TLE1: variants seen among roughly 807,000 people sequenced by gnomAD.
TLE1 encodes TLE family member 1, transcriptional corepressor.
Under a neutral mutation model 89.8 loss-of-function variants are expected in TLE1, and 21 were observed. The ratio of observed to expected loss-of-function variants is 0.23; its 90% CI spans 0.17 to 0.34. The LOEUF is 0.34. Ranked by LOEUF, TLE1 falls within the 10% of genes least tolerant of loss-of-function variation. The pLI is 1.00. For missense variants in TLE1, 795 were observed against 1,031.2 expected (o/e 0.77, Z 3.14); for synonymous variants, 447 against 407.6 (o/e 1.10, Z -1.16).
intron 4 of TLE1, among the ~76,000 whole-genome samples, chr9:81,659,198 G>A (rs1433593579): frequency 6.6e-6 from 1 of 152,094 alleles, no homozygotes; most frequent in Non-Finnish European, 1.5e-5. Flanking sequence ...GTGAGCCACC[G>A]CGCCTGGCCT....
chr9:81,666,176 T>A (rs1045051097), intron 4 of TLE1, among the ~76,000 whole-genome samples: 8 of 152,102 alleles, frequency 5.3e-5, no homozygotes, highest in Admixed American at 1.3e-4. Context: ...AAAGGACAGC[T>A]TTTGGTGGGC....
At chr9:81,647,763 G>A (rs1032895794) in intron 6 of TLE1, among the ~76,000 whole-genome samples, 4 of 152,126 alleles carry the variant, frequency 2.6e-5, no homozygotes, top group Admixed American at 1.3e-4. Context: ...CTAATAGATG[G>A]CAGCTAAGTA....
chr9:81,586,212 T>TTTTTGTA (rs1564100878), intron 17 of TLE1, among the ~76,000 whole-genome samples: 3 of 152,002 alleles, frequency 2.0e-5, no homozygotes, highest in Non-Finnish European at 2.9e-5. Context: ...AAAGACGGGG[T>TTTTTGTA]TTCACCGTGC....
At chr9:81,606,575 A>C (rs59999145) in intron 14 of TLE1, among the ~76,000 whole-genome samples, 9,148 of 152,116 alleles carry the variant, frequency 0.06, 881 homozygotes, top group African/African-American at 0.2. Flanking sequence ...GGAGCTGAAC[A>C]ATGAGAACAC....
At chr9:81,615,285 C>T (rs1174405698) in intron 11 of TLE1, among the ~76,000 whole-genome samples, 6 of 148,772 alleles carry the variant, frequency 4.0e-5, no homozygotes, top group Middle Eastern at 3.6e-3. Flanking sequence ...GCCGAGATCA[C>T]GCCACTGCAC....
At chr9:81,685,750 C>T (rs981200105) in intron 3 of TLE1, 30 bp from the exon 4 acceptor site, 1 of 1,612,372 alleles carries the variant, frequency 6.2e-7, no homozygotes, top group Non-Finnish European at 8.5e-7. Flanking sequence ...TCAAGCATTT[C>T]ATTAACTCAT....
chr9:81,670,811 T>C (rs1588201895), intron 4 of TLE1, among the ~76,000 whole-genome samples: 1 of 152,016 alleles, frequency 6.6e-6, no homozygotes, highest in Admixed American at 6.6e-5. Flanking sequence ...AGATCAGTGA[T>C]ACACTGACAT....
Position 81,660,843 on chromosome 9 carries a change from T to A in TLE1, c.235-6807A>T, listed in dbSNP as rs1216968255. ...CGGGCGTGGTGGCTCACGCCTGTAA[T>A]CCCAGCACTTTGGGAGGCCGAGGCG... On this transcript the variant is annotated intron_variant, in intron 4 of 19. Coordinates refer to ENST00000376499, the MANE Select transcript of TLE1 (RefSeq NM_005077.5). Among the ~76,000 whole-genome samples the A allele has an allele frequency of 3.4e-5, 5 of 149,082 alleles. No homozygotes were observed. The East Asian group carries it at 1.0e-3, about 31-fold the overall frequency.
Position 81,620,534 on chromosome 9 carries a change from G to C in TLE1, c.618C>G (p.Asp206Glu), listed in dbSNP as rs746776983. 3.1e-6 allele frequency: 5 copies of C among 1,612,416 alleles called. No individual in the cohort carries two copies. The Admixed American group carries it at 6.7e-5, about 22-fold the overall frequency. Residue 206 changes from aspartate to glutamate, a missense_variant, in exon 9 of 20, where the codon GAC becomes GAG. By Grantham distance (45) the Asp-to-Glu change is conservative (BLOSUM62 2). Coordinates refer to ENST00000376499, the MANE Select transcript of TLE1 (RefSeq NM_005077.5). ...PGTSNSLLVP[D>E]SLRGTDKRRN... ...TGCGTTTATCTGTGCCTCTTAGACT[G>C]TCTGGGACCAGGAGGGAATTACTCT...
rs753283625 is a variant in TLE1 at position 81,585,594 on chromosome 9, T to C, written c.2039A>G (p.Asn680Ser). 22 of 1,614,080 alleles carry C rather than the reference T, an allele frequency of 1.4e-5. No individual in the cohort carries two copies. Among genetic ancestry groups the C allele is most frequent in the Non-Finnish European group, 1.5e-5 (18 of 1,180,008 alleles). Residue 680 changes from asparagine to serine, a missense_variant, in exon 18 of 20, where the codon AAT (asparagine) becomes AGT (serine). Coordinates refer to ENST00000376499, the MANE Select transcript of TLE1 (RefSeq NM_005077.5). ...EWLAVGMESSNVEVLHVNKPD... is the reference protein window; with the variant it reads ...EWLAVGMESSSVEVLHVNKPD... ...CTTGTTCACGTGCAGCACCTCCACA[T>C]TGCTGCTCTCCATGCCCACTGCCAG... is the stretch of plus-strand genomic sequence containing the variant.
At chr9:81,665,796 C>T (rs1366189570) in intron 4 of TLE1, among the ~76,000 whole-genome samples, 2 of 151,774 alleles carry the variant, frequency 1.3e-5, no homozygotes, top group Admixed American at 6.6e-5. Context: ...CTCCTTCCTG[C>T]AATGATGGTC....
At chr9:81,634,443 C>T (rs1827115920) in intron 6 of TLE1, 142 bp from the exon 7 acceptor site, 1 of 621,990 alleles carries the variant, frequency 1.6e-6, no homozygotes. Flanking sequence ...TCAACAAACA[C>T]ACAAAAGGAG....
chr9:81,652,168 A>G (rs1032098485), intron 6 of TLE1, 46 bp downstream of exon 6: 1 of 1,578,036 alleles, frequency 6.3e-7, no homozygotes, highest in Admixed American at 1.7e-5. Flanking sequence ...AAGAAATGAA[A>G]GCTGGTTATA....
At chr9:81,627,171 T>C (rs1167762080) in intron 8 of TLE1, among the ~76,000 whole-genome samples, 1 of 151,996 alleles carries the variant, frequency 6.6e-6, no homozygotes, top group Non-Finnish European at 1.5e-5. Flanking sequence ...GGACACAGAG[T>C]TTGTTGTCCA....
chr9:81,663,622 CTTTT>C (rs35562910), intron 4 of TLE1, among the ~76,000 whole-genome samples: 2 of 134,698 alleles, frequency 1.5e-5, no homozygotes, highest in African/African-American at 5.6e-5. Flanking sequence ...ACAGAATAGA[CTTTT>C]TTTTTTTTTT....
intron 4 of TLE1, among the ~76,000 whole-genome samples, chr9:81,661,257 C>T (rs1319558174): frequency 6.8e-6 from 1 of 147,598 alleles, no homozygotes; most frequent in African/African-American, 2.5e-5. Context: ...AGTAGCTGAA[C>T]TTAAGAGTTT....
In TLE1 at chr9:81,584,524, C is replaced by T. The variant is rs1828054292; in HGVS notation, c.2129G>A (p.Gly710Asp). 1 of 1,613,852 alleles carries T rather than the reference C, an allele frequency of 6.2e-7. No homozygotes were observed. Among genetic ancestry groups the T allele is most frequent in the Non-Finnish European group, 8.5e-7 (1 of 1,179,962 alleles). The change falls in exon 19 of 20, where the codon GGT (glycine) becomes GAT (aspartate). Residue 710 changes from glycine to aspartate, a missense_variant and splice_region_variant. This residue lies in a region of TLE1 where 214 missense variants were observed against 354.9 expected (regional missense o/e 0.60). Transcript: ENST00000376499. ...TTTTCCAGTACTCACAAACCATTTA[C>T]CTAGAATTAGCAAAGGAATATCTAG... ...CVLSLKFAYC[G>D]KWFVSTGKDN...
At chr9:81,683,342 A>G (rs1053312725) in intron 4 of TLE1, among the ~76,000 whole-genome samples, 1 of 151,940 alleles carries the variant, frequency 6.6e-6, no homozygotes, top group Admixed American at 6.6e-5. Flanking sequence ...TCAGCCTGTC[A>G]GGAGTCTCGC....
chr9:81,620,406 A>T, intron 9 of TLE1, 35 bp downstream of exon 9: 1 of 1,532,098 alleles, frequency 6.5e-7, no homozygotes, highest in Non-Finnish European at 9.0e-7. Flanking sequence ...AGCAGTAAGC[A>T]AACAAATATT....
Sources: allele counts gnomAD v4.1 joint callset (sites outside exome capture counted in the v4.1 genomes callset), GRCh38; gene constraint gnomAD v4.1.1; regional missense constraint gnomAD v4.1.1; transcripts MANE v1.5; gene names NCBI Gene and HGNC (gene_info 2026-07-23, HGNC 2026-07-21).